Variants in DPYD observed in about 807,000 individuals in gnomAD.
The protein encoded by DPYD is dihydropyrimidine dehydrogenase [NADP(+)].
In DPYD, 109 loss-of-function variants were observed where a neutral mutation model predicts 116.2. The observed-to-expected ratio is 0.94, with a 90% CI of 0.80 to 1.10. The LOEUF is 1.10. Ranked by LOEUF, DPYD falls within the 50% of genes least tolerant of loss-of-function variation. DPYD has a pLI of 0.00. For missense variants in DPYD, 1,302 were observed against 1,254.5 expected (o/e 1.04, Z -0.57); for synonymous variants, 440 against 432.0 (o/e 1.02, Z -0.23).
At chr1:97,899,680 C>T (rs1187083240) in intron 1 of DPYD, among the ~76,000 whole-genome samples, 1 of 151,798 alleles carries the variant, frequency 6.6e-6, no homozygotes, top group African/African-American at 2.4e-5. Flanking sequence ...AGCACCTGGA[C>T]AAACAATACA....
intron 19 of DPYD, among the ~76,000 whole-genome samples, chr1:97,206,685 T>TAA (rs1659650714): frequency 2.2e-5 from 2 of 89,492 alleles, no homozygotes; most frequent in African/African-American, 3.9e-5. Flanking sequence ...TATATATATA[T>TAA]ATAATCTATA....
intron 5 of DPYD, among the ~76,000 whole-genome samples, chr1:97,714,745 A>C (rs975935423): frequency 1.3e-5 from 2 of 151,974 alleles, no homozygotes; most frequent in African/African-American, 2.4e-5. Context: ...ACAGAAAAAC[A>C]AGGACTTGTG....
intron 5 of DPYD, among the ~76,000 whole-genome samples, chr1:97,707,681 C>A (rs578040102): frequency 4.6e-5 from 7 of 152,028 alleles, no homozygotes; most frequent in African/African-American, 1.7e-4. Context: ...TTTGTTGTAG[C>A]AAACTGAGCA....
chr1:97,846,054 G>A (rs1422204677), intron 2 of DPYD, among the ~76,000 whole-genome samples: 4 of 152,188 alleles, frequency 2.6e-5, no homozygotes, highest in African/African-American at 9.6e-5. Flanking sequence ...GGGCAGGTAT[G>A]GGATCCAGAC....
At chr1:97,640,452 G>T (rs1657823101) in intron 8 of DPYD, among the ~76,000 whole-genome samples, 1 of 152,058 alleles carries the variant, frequency 6.6e-6, no homozygotes, top group Non-Finnish European at 1.5e-5. Flanking sequence ...GGGATTAGAG[G>T]CACTTGCTAC....
intron 3 of DPYD, among the ~76,000 whole-genome samples, chr1:97,787,651 A>G (rs1667112190): frequency 6.6e-6 from 1 of 152,238 alleles, no homozygotes; most frequent in Admixed American, 6.5e-5. Context: ...AAAAGAAAAA[A>G]AAAGCTAAAT....
intron 20 of DPYD, among the ~76,000 whole-genome samples, chr1:97,179,342 T>C (rs963359754): frequency 2.6e-5 from 4 of 152,080 alleles, no homozygotes; most frequent in Non-Finnish European, 5.9e-5. Context: ...TTGGTAACAT[T>C]TAGGGTTTGA....
chr1:97,148,571 G>T (rs761388208), intron 20 of DPYD, among the ~76,000 whole-genome samples: 3 of 151,964 alleles, frequency 2.0e-5, no homozygotes, highest in Non-Finnish European at 4.4e-5. Flanking sequence ...TTTCTTTAAA[G>T]ACCTCAATAA....
At chr1:97,134,010 AAAAAATATAT>A (rs1311809988) in intron 20 of DPYD, among the ~76,000 whole-genome samples, 1 of 36,958 alleles carries the variant, frequency 2.7e-5, no homozygotes, top group South Asian at 1.1e-3. Context: ...AAAAAAAAAA[AAAAAATATAT>A]ATATATATAT....
intron 1 of DPYD, among the ~76,000 whole-genome samples, chr1:97,894,929 T>C (rs1199749652): frequency 6.6e-6 from 1 of 151,738 alleles, no homozygotes; most frequent in Non-Finnish European, 1.5e-5. Flanking sequence ...AAATACACGT[T>C]GGAATATCTT....
chr1:97,664,733 C>G (rs886961346), intron 8 of DPYD, among the ~76,000 whole-genome samples: 1 of 152,112 alleles, frequency 6.6e-6, no homozygotes, highest in South Asian at 2.1e-4. Flanking sequence ...AAACAAGGGT[C>G]TTCGAGTGAA....
intron 2 of DPYD, among the ~76,000 whole-genome samples, chr1:97,844,291 T>C (rs1670181828): frequency 6.6e-6 from 1 of 152,128 alleles, no homozygotes; most frequent in Non-Finnish European, 1.5e-5. Flanking sequence ...ATCTCAGAAG[T>C]CGTAAGTGTC....
chr1:97,740,568 G>T, intron 3 of DPYD, 89 bp from the exon 4 acceptor site: 1 of 1,098,892 alleles, frequency 9.1e-7, no homozygotes, highest in South Asian at 1.3e-5. Flanking sequence ...TCCGTGTCTA[G>T]TAAGTATAAA....
intron 14 of DPYD, among the ~76,000 whole-genome samples, chr1:97,397,940 G>A (rs938414081): frequency 1.4e-5 from 2 of 145,164 alleles, no homozygotes; most frequent in Non-Finnish European, 3.1e-5. Flanking sequence ...ACTGCCACAT[G>A]CTGTCTTTTT....
chr1:97,767,799 TC>T (rs1665947608), intron 3 of DPYD, among the ~76,000 whole-genome samples: 1 of 145,116 alleles, frequency 6.9e-6, no homozygotes, highest in African/African-American at 2.6e-5. Flanking sequence ...CATGCAATGA[TC>T]CCCTGCAAAT....
At chr1:97,448,152 G>C (rs1180683467) in intron 14 of DPYD, among the ~76,000 whole-genome samples, 2 of 152,104 alleles carry the variant, frequency 1.3e-5, no homozygotes, top group Non-Finnish European at 2.9e-5. Context: ...AGAAGCTGGA[G>C]GCTGCAGCGA....
intron 18 of DPYD, among the ~76,000 whole-genome samples, chr1:97,302,091 G>T (rs1386772650): frequency 6.6e-6 from 1 of 151,870 alleles, no homozygotes; most frequent in South Asian, 2.1e-4. Context: ...AAACTATTCA[G>T]CTGTGTGATG....
chr1:97,147,577 T>C (rs1358248946), intron 20 of DPYD, among the ~76,000 whole-genome samples: 1 of 152,274 alleles, frequency 6.6e-6, no homozygotes, highest in African/African-American at 2.4e-5. Context: ...TCTACAGTTA[T>C]AGCGCAGAAG....
At chr1:97,873,168 T>C (rs981861030) in intron 2 of DPYD, among the ~76,000 whole-genome samples, 2 of 151,914 alleles carry the variant, frequency 1.3e-5, no homozygotes, top group African/African-American at 2.4e-5. Flanking sequence ...AACCGTTTTG[T>C]CCCTTTCCCA....
Sources: gnomAD v4.1 joint callset for allele counts (sites outside exome capture counted in the v4.1 genomes callset) on GRCh38, gnomAD v4.1.1 for gene constraint, MANE v1.5 for transcripts, NCBI Gene and HGNC (gene_info 2026-07-23, HGNC 2026-07-21) for gene names.